Variants in AOPEP observed in about 807,000 individuals in gnomAD.
AOPEP encodes the protein aminopeptidase O (putative).
AOPEP carries 77 observed loss-of-function variants against 98.1 expected under a neutral mutation model. The observed-to-expected ratio is 0.78, with a 90% CI of 0.65 to 0.95. The LOEUF (loss-of-function observed/expected upper bound fraction) is 0.95. Ranked by LOEUF, AOPEP falls within the 40% of genes least tolerant of loss-of-function variation. The pLI is 0.00. For missense variants in AOPEP, 1,024 were observed against 1,024.7 expected (o/e 1.00, Z 0.01); for synonymous variants, 346 against 365.3 (o/e 0.95, Z 0.60).
chr9:94,810,617 T>G (rs1256289763), intron 5 of AOPEP, among the ~76,000 whole-genome samples: 1 of 147,224 alleles, frequency 6.8e-6, no homozygotes, highest in African/African-American at 2.7e-5. Context: ...GCCTGGCCTT[T>G]AATCAGGTTT....
At chr9:94,989,609 C>CTTT (rs71498953) in intron 11 of AOPEP, among the ~76,000 whole-genome samples, 4 of 123,946 alleles carry the variant, frequency 3.2e-5, no homozygotes, top group Non-Finnish European at 6.8e-5. Flanking sequence ...GTAACCCAAA[C>CTTT]TTTTTTTTTT....
At chr9:95,102,623 G>A in the AOPEP span, among the ~76,000 whole-genome samples, 1 of 152,172 alleles carries the variant, frequency 6.6e-6, no homozygotes, top group Non-Finnish European at 1.5e-5. Flanking sequence ...AGCAGCCCAA[G>A]GTCAGCTTCC....
intron 5 of AOPEP, among the ~76,000 whole-genome samples, chr9:94,819,450 G>A (rs879250033): frequency 3.3e-5 from 5 of 152,118 alleles, no homozygotes; most frequent in South Asian, 2.1e-4. Flanking sequence ...AGCCCTCTCC[G>A]CCTGTGTTCA....
At chr9:94,780,773 T>C (rs1843075215) in intron 3 of AOPEP, among the ~76,000 whole-genome samples, 1 of 152,242 alleles carries the variant, frequency 6.6e-6, no homozygotes, top group South Asian at 2.1e-4. Context: ...TTTAAAACGA[T>C]GAGCTATCTT....
rs974551445 is a variant in AOPEP at position 94,934,315 on chromosome 9, C to CTT, written c.1661+5802_1661+5803dup. Among the ~76,000 whole-genome samples, 106 of 116,716 alleles carry CTT rather than the reference C, an allele frequency of 9.1e-4. 1 individual carries two copies. The highest frequency in any genetic ancestry group is 5.0e-3 in the East Asian group (19 of 3,818). The allele number at this position is 116,716 out of a possible 152,430, so 76.6% of individuals were successfully genotyped here. On this transcript the variant is annotated intron_variant, in intron 7 of 16. Coordinates refer to ENST00000375315, the MANE Select transcript of AOPEP (RefSeq NM_001193329.3). ...CTGACTATGCTCACACTTCTCCCAT[C>CTT]TTTTTTTTTTTTTTTTTTTGAGACA... is the stretch of plus-strand genomic sequence containing the variant.
intron 16 of AOPEP, among the ~76,000 whole-genome samples, chr9:95,084,281 G>A (rs2070303119): frequency 6.6e-6 from 1 of 152,144 alleles, no homozygotes; most frequent in African/African-American, 2.4e-5. Flanking sequence ...TGTTTAAGTA[G>A]CTTATTTATC....
chr9:95,064,317 C>T (rs976430104), intron 14 of AOPEP, among the ~76,000 whole-genome samples: 4 of 152,206 alleles, frequency 2.6e-5, no homozygotes, highest in Admixed American at 1.3e-4. Context: ...ATGTTTGAGA[C>T]GGAGTCTCGC....
At chr9:95,004,610 G>A (rs979666524) in intron 11 of AOPEP, among the ~76,000 whole-genome samples, 1 of 152,088 alleles carries the variant, frequency 6.6e-6, no homozygotes, top group Non-Finnish European at 1.5e-5. Context: ...CGCTGGCTAC[G>A]GGCGGGGTTC....
Position 94,774,966 on chromosome 9 carries a change from C to T in AOPEP, c.964+1798C>T, listed in dbSNP as rs541880194. Among the ~76,000 whole-genome samples, 10 of 152,110 alleles carry T rather than the reference C, an allele frequency of 6.6e-5. No homozygotes were observed. The South Asian group carries it at 2.1e-3, about 32-fold the overall frequency. ...TTTCATTTTCTGTTTATTTCCTTTG[C>T]CCATTTTTTATACTGAAGACCTAGA... On this transcript the variant is annotated intron_variant, in intron 3 of 16. Coordinates refer to ENST00000375315, the MANE Select transcript of AOPEP (RefSeq NM_001193329.3).
the AOPEP span, among the ~76,000 whole-genome samples, chr9:95,092,474 C>T: frequency 3.9e-5 from 6 of 152,190 alleles, no homozygotes; most frequent in African/African-American, 1.4e-4. Context: ...CAGCTCTGAT[C>T]CTGCCTGGGG....
At chr9:95,129,161 C>G in the AOPEP span, among the ~76,000 whole-genome samples, 7 of 152,164 alleles carry the variant, frequency 4.6e-5, no homozygotes, top group Admixed American at 4.6e-4. Flanking sequence ...AAACCAGTCT[C>G]CCTTGCTACC....
At chr9:95,143,142 T>C in the AOPEP span, among the ~76,000 whole-genome samples, 2 of 152,198 alleles carry the variant, frequency 1.3e-5, no homozygotes, top group Middle Eastern at 3.2e-3. Context: ...TTACTTGCCA[T>C]TACCAATTTA....
chr9:95,082,706 G>A lies in AOPEP; in HGVS notation c.2451G>A (p.Met817Ile), dbSNP rs1335367098. ...DRSSAQVVAE[M>I]LF ...CCTCAGCCCAGGTGGTGGCCGAAATGTTATTTTAACGAGGTGATTCTCTCC... is the reference window on the plus strand; with the variant it reads ...CCTCAGCCCAGGTGGTGGCCGAAATATTATTTTAACGAGGTGATTCTCTCC... The change falls in exon 16 of 17, where the codon ATG (methionine) becomes ATA (isoleucine). Residue 817 changes from methionine (M) to isoleucine (I), a missense_variant. Physicochemically the swap from Met to Ile is conservative, Grantham distance 10. Coordinates refer to ENST00000375315, the MANE Select transcript of AOPEP (RefSeq NM_001193329.3). The A allele has an allele frequency of 1.2e-6, 2 of 1,614,174 alleles. No homozygotes were observed. The highest frequency in any genetic ancestry group is 1.7e-6 in the Non-Finnish European group (2 of 1,180,028).
rs190448269 is a variant in AOPEP, at chr9:94,987,591, T to C, written c.1977+8164T>C. Among the ~76,000 whole-genome samples the C allele has an allele frequency of 4.7e-3, 718 of 152,284 alleles. 5 individuals carry two copies. The highest frequency in any genetic ancestry group is 6.0e-3 in the Non-Finnish European group (410 of 68,020). On this transcript the variant is annotated intron_variant, in intron 11 of 16. Coordinates refer to ENST00000375315, the MANE Select transcript of AOPEP (RefSeq NM_001193329.3). Reference sequence around the variant, plus strand: ...AAGAATCCTTCCCATTCAGCCTCCTTCTCATTCTCAGGTCCCTCCCAGCCC... The same window carrying C: ...AAGAATCCTTCCCATTCAGCCTCCTCCTCATTCTCAGGTCCCTCCCAGCCC...
At chr9:95,093,102 T>C in the AOPEP span, among the ~76,000 whole-genome samples, 2,534 of 152,282 alleles carry the variant, frequency 0.017, 83 homozygotes, top group African/African-American at 0.058. Context: ...AGATAATTTA[T>C]GGGGAAGGAG....
At chr9:95,010,072 A>C (rs1353413127) in intron 13 of AOPEP, among the ~76,000 whole-genome samples, 2 of 152,192 alleles carry the variant, frequency 1.3e-5, no homozygotes, top group African/African-American at 4.8e-5. Context: ...TTTGAATAAT[A>C]ATTCAGATTT....
intron 13 of AOPEP, among the ~76,000 whole-genome samples, chr9:95,017,111 G>GC (rs978187391): frequency 7.2e-5 from 11 of 152,116 alleles, no homozygotes; most frequent in Admixed American, 6.5e-5. Context: ...AGGAATGGCA[G>GC]AAAGAATCCA....
In AOPEP at chr9:94,884,716, T is replaced by C. The variant is rs909371922; in HGVS notation, c.1365-39270T>C. ...AAGCGAGTAAATGCATGTATAGCTC[T>C]TAAATCAGGCACTGGCCGGGCGCGG... On this transcript the variant is annotated intron_variant, in intron 5 of 16. Coordinates refer to ENST00000375315, the MANE Select transcript of AOPEP (RefSeq NM_001193329.3). 3.3e-5 allele frequency among the ~76,000 whole-genome samples: 5 copies of C among 152,300 alleles called. No individual in the cohort carries two copies. In the East Asian group the frequency reaches 9.6e-4, roughly 29 times the overall value.
At chr9:94,878,793 A>G (rs903401083) in intron 5 of AOPEP, among the ~76,000 whole-genome samples, 1 of 152,236 alleles carries the variant, frequency 6.6e-6, no homozygotes, top group Non-Finnish European at 1.5e-5. Context: ...TTGTTCTTTC[A>G]GCCTTTCTGT....
Sources: gnomAD v4.1 joint callset for allele counts (sites outside exome capture counted in the v4.1 genomes callset) on GRCh38, gnomAD v4.1.1 for gene constraint, MANE v1.5 for transcripts, NCBI Gene and HGNC (gene_info 2026-07-23, HGNC 2026-07-21) for gene names.